Variants in KIAA1217 observed in about 807,000 individuals in gnomAD.
KIAA1217 encodes KIAA1217.
In KIAA1217, 88 loss-of-function variants were observed where a neutral mutation model predicts 163.9. The observed-to-expected ratio is 0.54, with a 90% CI of 0.45 to 0.64. KIAA1217 has a LOEUF of 0.64. Ranked by LOEUF, KIAA1217 falls within the 30% of genes least tolerant of loss-of-function variation. The pLI is 0.00. For missense variants in KIAA1217, 2,372 were observed against 2,475.0 expected, an observed-to-expected ratio of 0.96 and a Z score of 0.88; for synonymous variants, 903 against 923.1, an observed-to-expected ratio of 0.98 and a Z score of 0.39.
intron 2 of KIAA1217, among the ~76,000 whole-genome samples, chr10:24,231,764 G>A (rs2131099497): frequency 6.6e-6 from 1 of 151,388 alleles, no homozygotes; most frequent in East Asian, 1.9e-4. Flanking sequence ...TAGCTTGGAT[G>A]TGATACCTGG....
At chr10:24,175,406 C>A (rs1353384254) in intron 2 of KIAA1217, among the ~76,000 whole-genome samples, 1 of 151,426 alleles carries the variant, frequency 6.6e-6, no homozygotes, top group Non-Finnish European at 1.5e-5. Flanking sequence ...TATTTCACTC[C>A]TTTTTATGGC....
chr10:24,122,451 C>T lies in KIAA1217; in HGVS notation c.-170-97175C>T, dbSNP rs542227488. Among the ~76,000 whole-genome samples, 17 of 152,060 alleles carry T rather than the reference C, an allele frequency of 1.1e-4. No homozygotes were observed. The East Asian group carries it at 1.2e-3, about 10-fold the overall frequency. On this transcript the variant is annotated intron_variant, in intron 2 of 18. Transcript: ENST00000376462. Reference sequence around the variant, plus strand: ...CTTGCTACTGTGAATAGTGCTGTGACGATATGTTCAAATATTCAACATATC... The same window carrying T: ...CTTGCTACTGTGAATAGTGCTGTGATGATATGTTCAAATATTCAACATATC...
rs559830419 is a variant in KIAA1217 at position 23,967,973 on chromosome 10, T to G, written c.-320-39252T>G. Among the ~76,000 whole-genome samples, 360 of 150,778 alleles carry G rather than the reference T, an allele frequency of 2.4e-3. 1 individual carries two copies. The highest frequency in any genetic ancestry group is 4.4e-3 in the Non-Finnish European group (296 of 67,702). On this transcript the variant is annotated intron_variant, in intron 1 of 18. Coordinates refer to the KIAA1217 transcript ENST00000376462. ...GCCTTTTTTAAAATTTTACTTTAAG[T>G]TTTGGGATACATGTGTGGAATGTGC...
At chr10:23,966,088 G>C (rs1490537894) in intron 1 of KIAA1217, among the ~76,000 whole-genome samples, 1 of 152,120 alleles carries the variant, frequency 6.6e-6, no homozygotes, top group East Asian at 1.9e-4. Context: ...TGAGTGTGTG[G>C]GCTGTGCAGT....
chr10:24,511,259 G>A (rs1414690315), intron 9 of KIAA1217, among the ~76,000 whole-genome samples: 2 of 151,698 alleles, frequency 1.3e-5, no homozygotes, highest in Admixed American at 6.6e-5. Flanking sequence ...TAGCCACAAG[G>A]GAAGCGACCA....
At chr10:24,450,400 G>A (rs1484691338) in intron 5 of KIAA1217, among the ~76,000 whole-genome samples, 2 of 152,110 alleles carry the variant, frequency 1.3e-5, no homozygotes, top group Non-Finnish European at 2.9e-5. Context: ...ATCTCTTATA[G>A]CAGGTTTAGT....
chr10:24,511,131 C>T (rs563577233), intron 9 of KIAA1217, among the ~76,000 whole-genome samples: 2 of 106,812 alleles, frequency 1.9e-5, no homozygotes, highest in African/African-American at 7.5e-5. Flanking sequence ...CCACCCTGGG[C>T]AACAGAGTGA....
chr10:24,164,229 A>G (rs988333419), intron 2 of KIAA1217, among the ~76,000 whole-genome samples: 1 of 152,198 alleles, frequency 6.6e-6, no homozygotes, highest in Admixed American at 6.5e-5. Context: ...CTTGAACGAG[A>G]TGAACAGGCT....
chr10:24,135,878 A>T (rs1209603481), intron 2 of KIAA1217, among the ~76,000 whole-genome samples: 2 of 152,202 alleles, frequency 1.3e-5, no homozygotes, highest in Non-Finnish European at 2.9e-5. Flanking sequence ...TCAGGCAGAC[A>T]TATAAGTAAG....
At chr10:23,907,157 T>C (rs16924036) in intron 1 of KIAA1217, among the ~76,000 whole-genome samples, 17,528 of 152,136 alleles carry the variant, frequency 0.12, 3,327 homozygotes, top group African/African-American at 0.39. Flanking sequence ...GCTGCTTTGC[T>C]TGAGTTATTC....
intron 1 of KIAA1217, among the ~76,000 whole-genome samples, chr10:23,709,977 T>A (rs986630373): frequency 4.6e-5 from 7 of 152,226 alleles, no homozygotes; most frequent in Non-Finnish European, 1.0e-4. Context: ...ATTATCTGAT[T>A]TTCTTCTCTG....
chr10:23,790,457 G>GCATATATACATATATACATATA, intron 1 of KIAA1217, among the ~76,000 whole-genome samples: 1 of 94,748 alleles, frequency 1.1e-5, no homozygotes, highest in African/African-American at 6.7e-5. Flanking sequence ...ATATACATGT[G>GCATATATACATATATACATATA]CATATATACA....
chr10:24,370,661 C>A (rs546818296), intron 2 of KIAA1217, among the ~76,000 whole-genome samples: 4 of 152,254 alleles, frequency 2.6e-5, no homozygotes, highest in Admixed American at 2.6e-4. Context: ...TAGCTCACTG[C>A]AGCCTTGAAC....
chr10:24,141,347 G>T (rs1393868670), intron 2 of KIAA1217, among the ~76,000 whole-genome samples: 1 of 151,288 alleles, frequency 6.6e-6, no homozygotes, highest in Non-Finnish European at 1.5e-5. Flanking sequence ...GTGCCTGATG[G>T]TTTCATTTTC....
At chr10:24,074,781 G>T (rs894192038) in intron 2 of KIAA1217, among the ~76,000 whole-genome samples, 3 of 147,112 alleles carry the variant, frequency 2.0e-5, no homozygotes, top group Non-Finnish European at 4.5e-5. Flanking sequence ...ACTCAGTGCA[G>T]CCTTTACCTC....
intron 2 of KIAA1217, among the ~76,000 whole-genome samples, chr10:24,258,401 GA>G (rs1472452858): frequency 6.6e-6 from 1 of 152,092 alleles, no homozygotes; most frequent in Non-Finnish European, 1.5e-5. Flanking sequence ...CTAATAGTTG[GA>G]GGAAGTGAGG....
intron 2 of KIAA1217, among the ~76,000 whole-genome samples, chr10:24,266,579 C>A (rs2076256093): frequency 6.6e-6 from 1 of 152,028 alleles, no homozygotes; most frequent in Admixed American, 6.5e-5. Context: ...TAAAACGCAC[C>A]AATCAGCGCT....
At chr10:23,721,366 G>C (rs1384553389) in intron 1 of KIAA1217, among the ~76,000 whole-genome samples, 2 of 152,178 alleles carry the variant, frequency 1.3e-5, no homozygotes, top group Non-Finnish European at 2.9e-5. Flanking sequence ...GCTTTCACCT[G>C]ACTGACTCTG....
chr10:24,000,939 T>C lies in KIAA1217; in HGVS notation c.-320-6286T>C, dbSNP rs149125896. The stretch of plus-strand genomic sequence containing the variant: ...GTTATGTGGGGGAAAATGTGTGGAC[T>C]CTGATGGCCTGAACTTTTGAATGAA... On this transcript the variant is annotated intron_variant, in intron 1 of 18. Coordinates refer to the KIAA1217 transcript ENST00000376462. Among the ~76,000 whole-genome samples, 178 of 152,326 alleles carry C rather than the reference T, an allele frequency of 1.2e-3. 1 individual carries two copies. Among genetic ancestry groups the C allele is most frequent in the African/African-American group, 3.9e-3 (164 of 41,574 alleles).
Sources: gnomAD v4.1 joint callset for allele counts (sites outside exome capture counted in the v4.1 genomes callset) on GRCh38, gnomAD v4.1.1 for gene constraint, MANE v1.5 for transcripts, NCBI Gene and HGNC (gene_info 2026-07-23, HGNC 2026-07-21) for gene names.